FGFR1OP2: variants seen among roughly 807,000 people sequenced by gnomAD.
FGFR1OP2 encodes fibroblast growth factor receptor 1 oncogene partner 2.
A neutral mutation model predicts 35.2 loss-of-function variants in FGFR1OP2; 17 were observed. That is an observed-to-expected ratio of 0.48 (90% CI 0.33 to 0.73). FGFR1OP2 has a LOEUF of 0.73. Among genes scored for constraint, FGFR1OP2 ranks in the 30% least tolerant of loss-of-function variants. The probability of loss-of-function intolerance (pLI) is 0.02; values close to 1 mark genes in which losing one functional copy is unlikely to be tolerated. For missense variants in FGFR1OP2, 251 were observed against 307.3 expected (o/e 0.82, Z 1.37); for synonymous variants, 105 against 104.6 (o/e 1.00, Z -0.03).
chr12:26,951,310 G>A (rs1030769431), intron 1 of FGFR1OP2, among the ~76,000 whole-genome samples: 6 of 151,766 alleles, frequency 4.0e-5, no homozygotes, highest in Admixed American at 6.6e-5. Flanking sequence ...GACCAGGCCC[G>A]GCTAATTTTT....
chr12:26,954,287 G>A lies in FGFR1OP2; in HGVS notation c.129G>A (p.Met43Ile). The A allele has an allele frequency of 6.3e-7, 1 of 1,598,636 alleles. No individual in the cohort carries two copies. The highest frequency in any genetic ancestry group is 8.5e-7 in the Non-Finnish European group (1 of 1,173,010). Residue 43 changes from methionine (M) to isoleucine (I), a missense_variant, in exon 2 of 7, where the codon ATG (methionine) becomes ATA (isoleucine). Coordinates refer to ENST00000229395, the MANE Select transcript of FGFR1OP2 (RefSeq NM_015633.3). ...CTCTCAACAAGCGAGTAGAAGCCATGAAACAGGTTTGATTTTTCTTTCTTG... is the reference window on the plus strand; with the variant it reads ...CTCTCAACAAGCGAGTAGAAGCCATAAAACAGGTTTGATTTTTCTTTCTTG... ...TTALNKRVEA[M>I]KQYQEEIQEL...
At chr12:26,954,402 A>G in intron 2 of FGFR1OP2, 109 bp downstream of exon 2, 1 of 1,312,764 alleles carries the variant, frequency 7.6e-7, no homozygotes, top group Non-Finnish European at 1.0e-6. Context: ...TAAAATTTTA[A>G]AGTAGCTTGA....
intron 4 of FGFR1OP2, among the ~76,000 whole-genome samples, chr12:26,959,724 C>T (rs1228520456): frequency 6.6e-6 from 1 of 152,014 alleles, no homozygotes; most frequent in African/African-American, 2.4e-5. Flanking sequence ...AATGACTATT[C>T]AGTTATTTGT....
chr12:26,963,581 C>T (rs1939134117), intron 6 of FGFR1OP2, 126 bp downstream of exon 6: 1 of 574,450 alleles, frequency 1.7e-6, no homozygotes, highest in African/African-American at 1.9e-5. Context: ...TGGATGCTGT[C>T]TATGTGGGCA....
chr12:26,945,148 A>G (rs1241632739), intron 1 of FGFR1OP2, among the ~76,000 whole-genome samples: 1 of 150,886 alleles, frequency 6.6e-6, no homozygotes, highest in Non-Finnish European at 1.5e-5. Flanking sequence ...TTCAATTTTT[A>G]TTTTTTTCCA....
chr12:26,950,436 C>CAGGAT (rs1236717563), intron 1 of FGFR1OP2, among the ~76,000 whole-genome samples: 2 of 151,778 alleles, frequency 1.3e-5, no homozygotes, highest in Non-Finnish European at 2.9e-5. Context: ...CTGTGTTAGC[C>CAGGAT]AGGATGGTCT....
chr12:26,958,245 T>C (rs1216560086), intron 4 of FGFR1OP2, among the ~76,000 whole-genome samples: 1 of 152,108 alleles, frequency 6.6e-6, no homozygotes, highest in East Asian at 1.9e-4. Context: ...CCTGCAGTCC[T>C]AGCTTCTCAG....
At chr12:26,957,192 A>T (rs897391510) in intron 3 of FGFR1OP2, among the ~76,000 whole-genome samples, 2 of 152,086 alleles carry the variant, frequency 1.3e-5, no homozygotes, top group African/African-American at 4.8e-5. Flanking sequence ...CCATTCCTTC[A>T]CTTTTCAACT....
At position 26,960,506 on chromosome 12, in the gene FGFR1OP2, A is replaced by T; in HGVS notation, c.397-9A>T. 1 of 1,598,108 alleles carries T rather than the reference A, an allele frequency of 6.3e-7. No homozygotes were observed. Among genetic ancestry groups the T allele is most frequent in the Non-Finnish European group, 8.6e-7 (1 of 1,166,412 alleles). On this transcript the variant is annotated splice_polypyrimidine_tract_variant and intron_variant, in intron 4 of 6. Coordinates refer to ENST00000229395, the MANE Select transcript of FGFR1OP2 (RefSeq NM_015633.3). ...TCCGTATTAACATTATAATGACTCT[A>T]TACTACAGATTGACATGGTACATCG...
chr12:26,954,824 A>G (rs1592251447), intron 2 of FGFR1OP2, among the ~76,000 whole-genome samples: 1 of 152,168 alleles, frequency 6.6e-6, no homozygotes, highest in African/African-American at 2.4e-5. Flanking sequence ...TATTTTTACT[A>G]TTGTATAACA....
intron 1 of FGFR1OP2, among the ~76,000 whole-genome samples, chr12:26,950,213 G>GTTGTTTTTTTTTTTTTTTTTTTTTTTT (rs1938898866): frequency 7.9e-5 from 4 of 50,934 alleles, no homozygotes; most frequent in African/African-American, 3.2e-4. Context: ...TGTATTCGTT[G>GTTGTTTTTTTTTTTTTTTTTTTTTTTT]TTTTTTTTTT....
chr12:26,957,896 T>C (rs941281332), intron 4 of FGFR1OP2, 153 bp downstream of exon 4: 1 of 550,618 alleles, frequency 1.8e-6, no homozygotes, highest in African/African-American at 2.0e-5. Context: ...ATTTTCTCCT[T>C]TTTCTTATTT....
chr12:26,951,783 G>C (rs892640084), intron 1 of FGFR1OP2, among the ~76,000 whole-genome samples: 1 of 152,040 alleles, frequency 6.6e-6, no homozygotes, highest in South Asian at 2.1e-4. Context: ...ACCTTATTGC[G>C]TTTTATTTGG....
At chr12:26,944,564 C>A (rs999217931) in intron 1 of FGFR1OP2, among the ~76,000 whole-genome samples, 1 of 152,094 alleles carries the variant, frequency 6.6e-6, no homozygotes, top group African/African-American at 2.4e-5. Context: ...GGGATAAACT[C>A]CCATTGGTCA....
chr12:26,944,281 C>T (rs564008540), intron 1 of FGFR1OP2, among the ~76,000 whole-genome samples: 1 of 152,198 alleles, frequency 6.6e-6, no homozygotes, highest in East Asian at 1.9e-4. Flanking sequence ...CCTTCCTAGC[C>T]TTATTACACC....
intron 1 of FGFR1OP2, among the ~76,000 whole-genome samples, chr12:26,951,659 G>A (rs964942716): frequency 2.0e-4 from 30 of 152,222 alleles, no homozygotes; most frequent in African/African-American, 6.7e-4. Flanking sequence ...TTTTGATGTC[G>A]TGTTGTTAAT....
At chr12:26,950,210 G>GTGGTT (rs1938897897) in intron 1 of FGFR1OP2, among the ~76,000 whole-genome samples, 2 of 29,744 alleles carry the variant, frequency 6.7e-5, no homozygotes, top group Non-Finnish European at 1.1e-4. Context: ...TAATGTATTC[G>GTGGTT]TTGTTTTTTT....
intron 2 of FGFR1OP2, among the ~76,000 whole-genome samples, chr12:26,956,328 G>A (rs1240170298): frequency 6.6e-6 from 1 of 151,840 alleles, no homozygotes; most frequent in Non-Finnish European, 1.5e-5. Context: ...ATCTTCTTTA[G>A]ATAAATGTTT....
At chr12:26,957,304 A>G (rs956620111) in intron 3 of FGFR1OP2, among the ~76,000 whole-genome samples, 26 of 152,154 alleles carry the variant, frequency 1.7e-4, no homozygotes, top group African/African-American at 6.3e-4. Flanking sequence ...CACCTACCAC[A>G]TGCTTGTTTT....
Sources: gnomAD v4.1 joint callset for allele counts (sites outside exome capture counted in the v4.1 genomes callset) on GRCh38, gnomAD v4.1.1 for gene constraint, MANE v1.5 for transcripts, NCBI Gene and HGNC (gene_info 2026-07-23, HGNC 2026-07-21) for gene names.